DLGAP4: variants seen among roughly 807,000 people sequenced by gnomAD.
DLGAP4 encodes the protein disks large-associated protein 4.
DLGAP4 carries 18 observed loss-of-function variants against 86.9 expected under a neutral mutation model. The ratio of observed to expected loss-of-function variants is 0.21; its 90% confidence interval spans 0.14 to 0.31. The LOEUF is 0.31. Among genes scored for constraint, DLGAP4 ranks in the 10% least tolerant of loss-of-function variants. The pLI is 1.00. For synonymous variants in DLGAP4, 548 were observed against 574.3 expected, an observed-to-expected ratio of 0.95 and a Z score of 0.65; for missense variants, 1,085 against 1,362.6, an observed-to-expected ratio of 0.80 and a Z score of 3.21.
chr20:36,503,562 A>G (rs2036238285), intron 10 of DLGAP4, among the ~76,000 whole-genome samples: 1 of 133,182 alleles, frequency 7.5e-6, no homozygotes, highest in Non-Finnish European at 1.5e-5. Context: ...ATCTTGGCTC[A>G]CTGCAAGCTC....
chr20:36,379,962 G>A lies in DLGAP4; in HGVS notation c.-73+12687G>A, dbSNP rs993064901. Among the ~76,000 whole-genome samples the A allele has an allele frequency of 2.8e-4, 42 of 152,234 alleles. 1 individual carries two copies. The highest frequency in any genetic ancestry group is 9.6e-4 in the African/African-American group (40 of 41,540). ...TTTGGGAGACCAAGGTGGGAGAATC[G>A]CTTGAGGTCAGGAATTTGAGACCAG... is the stretch of plus-strand genomic sequence containing the variant. On this transcript the variant is annotated intron_variant, in intron 2 of 12. Coordinates refer to ENST00000339266, the MANE Select transcript of DLGAP4 (RefSeq NM_001365621.2).
intron 10 of DLGAP4, among the ~76,000 whole-genome samples, chr20:36,505,199 G>A (rs1218037962): frequency 6.6e-6 from 1 of 151,984 alleles, no homozygotes; most frequent in Non-Finnish European, 1.5e-5. Flanking sequence ...ATGCTAGCCA[G>A]GGTAGTCTCG....
intron 1 of DLGAP4, among the ~76,000 whole-genome samples, chr20:36,365,152 C>T (rs903749298): frequency 8.5e-5 from 13 of 152,220 alleles, no homozygotes; most frequent in Non-Finnish European, 1.6e-4. Context: ...GCCGTTCTGT[C>T]AGCAAGGAAG....
At chr20:36,390,444 C>T (rs867695913) in intron 2 of DLGAP4, among the ~76,000 whole-genome samples, 1 of 152,190 alleles carries the variant, frequency 6.6e-6, no homozygotes. Flanking sequence ...ACCCTGACTA[C>T]AGCTTCTCTG....
chr20:36,371,665 C>T (rs991398275), intron 2 of DLGAP4, among the ~76,000 whole-genome samples: 1 of 152,148 alleles, frequency 6.6e-6, no homozygotes, highest in East Asian at 1.9e-4. Context: ...GCAGCCACAC[C>T]GTGGCGCCTG....
chr20:36,365,307 C>G (rs1317011680), intron 1 of DLGAP4, among the ~76,000 whole-genome samples: 1 of 152,214 alleles, frequency 6.6e-6, no homozygotes, highest in Non-Finnish European at 1.5e-5. Context: ...AGTGACAACT[C>G]GGTCAGGAAC....
chr20:36,446,354 A>T (rs2033592067), intron 6 of DLGAP4, among the ~76,000 whole-genome samples: 2 of 152,230 alleles, frequency 1.3e-5, no homozygotes, highest in Admixed American at 1.3e-4. Context: ...CATTCAGGAC[A>T]GACATTGCTA....
chr20:36,331,541 A>G (rs1373050398), intron 1 of DLGAP4, among the ~76,000 whole-genome samples: 2 of 152,160 alleles, frequency 1.3e-5, no homozygotes, highest in Non-Finnish European at 2.9e-5. Context: ...GCCTGGACTC[A>G]CTCTGTCTCT....
At chr20:36,388,543 T>C (rs1183060612) in intron 2 of DLGAP4, among the ~76,000 whole-genome samples, 1 of 152,186 alleles carries the variant, frequency 6.6e-6, no homozygotes, top group Non-Finnish European at 1.5e-5. Flanking sequence ...CCCTCTGATG[T>C]GCGTCAAAGA....
intron 1 of DLGAP4, among the ~76,000 whole-genome samples, chr20:36,309,421 G>A (rs1387586264): frequency 2.0e-5 from 3 of 152,234 alleles, no homozygotes; most frequent in Admixed American, 6.5e-5. Context: ...GGTCCATTCT[G>A]AGTGGAGGGC....
chr20:36,436,500 G>A, intron 4 of DLGAP4, 150 bp downstream of exon 4: 9 of 1,339,344 alleles, frequency 6.7e-6, no homozygotes, highest in Non-Finnish European at 7.8e-6. Flanking sequence ...CATGAGTCCT[G>A]CTTCTTGAGA....
chr20:36,466,508 C>G (rs748840578), intron 7 of DLGAP4, among the ~76,000 whole-genome samples: 1 of 152,184 alleles, frequency 6.6e-6, no homozygotes, highest in Non-Finnish European at 1.5e-5. Flanking sequence ...CTAGTCCTTA[C>G]AGGAATGTAA....
intron 6 of DLGAP4, 86 bp downstream of exon 6, chr20:36,442,863 C>G: frequency 6.4e-7 from 1 of 1,562,886 alleles, no homozygotes; most frequent in Non-Finnish European, 8.8e-7. Context: ...TCCCAGCACC[C>G]GGCCCAGGCT....
chr20:36,388,266 C>T (rs769592778), intron 2 of DLGAP4, among the ~76,000 whole-genome samples: 6 of 152,204 alleles, frequency 3.9e-5, no homozygotes, highest in Non-Finnish European at 5.9e-5. Context: ...TAGCATGACA[C>T]TGTCAGGCAT....
chr20:36,335,629 C>T (rs1359410116), intron 1 of DLGAP4, among the ~76,000 whole-genome samples: 3 of 152,226 alleles, frequency 2.0e-5, no homozygotes, highest in Non-Finnish European at 4.4e-5. Flanking sequence ...GCTCTTATAG[C>T]AGATGTTGCT....
chr20:36,382,527 C>CTTTTTTTTTTT (rs749210064), intron 2 of DLGAP4, among the ~76,000 whole-genome samples: 63 of 110,468 alleles, frequency 5.7e-4, no homozygotes, highest in Middle Eastern at 5.2e-3. Context: ...TTCTTTTTTT[C>CTTTTTTTTTTT]TTTTTTTTTT....
intron 10 of DLGAP4, among the ~76,000 whole-genome samples, chr20:36,519,777 T>C (rs6024907): frequency 5.5e-4 from 83 of 151,872 alleles, no homozygotes; most frequent in African/African-American, 2.0e-3. Context: ...TGATAGCTTT[T>C]GGGGTTTGTT....
rs2031865153 is a variant in DLGAP4, at chr20:36,393,953, C to T, written c.-73+26678C>T. On this transcript the variant is annotated intron_variant, in intron 2 of 12. Transcript: ENST00000339266. The surrounding 1 kb of genome is among the most constrained non-coding windows in gnomAD (Gnocchi z 4.4). ...TGCGCCCCAGGCCCTGCTGTACACA[C>T]AGGGAGGTGGCCTTCACAGGGTGCC... Among the ~76,000 whole-genome samples, 1 of 152,186 alleles carries T rather than the reference C, an allele frequency of 6.6e-6. No individual in the cohort carries two copies. Among genetic ancestry groups the T allele is most frequent in the Admixed American group, 6.5e-5 (1 of 15,290 alleles).
rs1198658314 is a variant in DLGAP4, at chr20:36,502,721, A to AT, written c.2512+2118dup. Among the ~76,000 whole-genome samples the AT allele has an allele frequency of 3.3e-5, 5 of 151,704 alleles. No individual in the cohort carries two copies. In the East Asian group the frequency reaches 5.8e-4, roughly 18 times the overall value. ...CCCTCAGAATCTTAAAGGCACCATC[A>AT]TTTTTTTTATTTTTATTTTTTTGAG... On this transcript the variant is annotated intron_variant, in intron 10 of 12. Transcript: ENST00000339266.
Sources: gnomAD v4.1 joint callset for allele counts (sites outside exome capture counted in the v4.1 genomes callset) on GRCh38, gnomAD v4.1.1 for gene constraint, Gnocchi (gnomAD v3.1) non-coding constraint, MANE v1.5 for transcripts, NCBI Gene and HGNC (gene_info 2026-07-23, HGNC 2026-07-21) for gene names.